CHN2: variants seen among roughly 807,000 people sequenced by gnomAD.
CHN2 encodes the protein beta-chimaerin.
Under a neutral mutation model 56.3 loss-of-function variants are expected in CHN2, and 35 were observed. The observed-to-expected ratio is 0.62, with a 90% CI of 0.47 to 0.82. CHN2 has a LOEUF of 0.82. CHN2 is among the 40% of genes least tolerant of loss of function. CHN2 has a pLI of 0.00. For missense variants in CHN2, 491 were observed against 580.5 expected, an observed-to-expected ratio of 0.85 and a Z score of 1.58; for synonymous variants, 210 against 212.8, an observed-to-expected ratio of 0.99 and a Z score of 0.12.
intron 6 of CHN2, among the ~76,000 whole-genome samples, chr7:29,441,924 T>C (rs895523828): frequency 1.3e-5 from 2 of 152,128 alleles, no homozygotes; most frequent in African/African-American, 4.8e-5. Context: ...AAATTCCATA[T>C]CTAGGTGTAT....
At chr7:29,419,547 CTT>C in intron 6 of CHN2, among the ~76,000 whole-genome samples, 1 of 152,024 alleles carries the variant, frequency 6.6e-6, no homozygotes, top group Non-Finnish European at 1.5e-5. Flanking sequence ...GAAAAGGCAA[CTT>C]ATGGAATGGG....
At chr7:29,336,300 A>T (rs1796610546) in intron 1 of CHN2, among the ~76,000 whole-genome samples, 1 of 152,114 alleles carries the variant, frequency 6.6e-6, no homozygotes, top group African/African-American at 2.4e-5. Flanking sequence ...AAAATGGTTA[A>T]CTATCCAGTG....
chr7:29,321,387 C>T (rs1795333071), intron 1 of CHN2, among the ~76,000 whole-genome samples: 1 of 152,000 alleles, frequency 6.6e-6, no homozygotes. Flanking sequence ...CACAGCCATC[C>T]TCTGAAGGAG....
In CHN2 at chr7:29,219,957, C is replaced by T. The variant is rs562197699; in HGVS notation, c.49+24967C>T. ...GGGCGTGGTGGCACACGCCTATAGT[C>T]CCAGCTACTCGGGAGGCTGAGGCAG... On this transcript the variant is annotated intron_variant, in intron 1 of 12. Transcript: ENST00000222792. Among the ~76,000 whole-genome samples, 259 of 152,164 alleles carry T rather than the reference C, an allele frequency of 1.7e-3. 1 individual carries two copies. The highest frequency in any genetic ancestry group is 5.8e-3 in the African/African-American group (240 of 41,536).
intron 6 of CHN2, among the ~76,000 whole-genome samples, chr7:29,461,879 A>T (rs924920063): frequency 4.0e-5 from 6 of 150,858 alleles, no homozygotes; most frequent in Non-Finnish European, 5.9e-5. Context: ...TGGAAGGAAG[A>T]GAGAGGATGC....
chr7:29,220,280 A>AGAGAG (rs1554366786), intron 1 of CHN2, among the ~76,000 whole-genome samples: 35 of 138,164 alleles, frequency 2.5e-4, no homozygotes, highest in East Asian at 1.3e-3. Context: ...AAAAAAAAAA[A>AGAGAG]AGAGAGAGAG....
chr7:29,325,480 A>C (rs1795728139), intron 1 of CHN2, among the ~76,000 whole-genome samples: 1 of 152,210 alleles, frequency 6.6e-6, no homozygotes. Context: ...GCACCATACT[A>C]TGAAAGGCAG....
At chr7:29,478,015 C>A (rs1043637446) in intron 6 of CHN2, among the ~76,000 whole-genome samples, 4 of 152,134 alleles carry the variant, frequency 2.6e-5, no homozygotes, top group African/African-American at 9.7e-5. Flanking sequence ...GGGATAAGAG[C>A]TGTTATAGTC....
chr7:29,423,471 TG>T (rs981375814), intron 6 of CHN2, among the ~76,000 whole-genome samples: 1 of 152,212 alleles, frequency 6.6e-6, no homozygotes, highest in African/African-American at 2.4e-5. Flanking sequence ...TGGGGTCAGC[TG>T]GGGTTTTTGT....
chr7:29,433,907 AAAGG>A, intron 6 of CHN2, among the ~76,000 whole-genome samples: 1 of 151,840 alleles, frequency 6.6e-6, no homozygotes, highest in East Asian at 1.9e-4. Flanking sequence ...TGAAGGGAAG[AAAGG>A]AAGGAGGGAG....
At chr7:29,173,329 T>C (rs1274633803) in intron 2 of CHN2, among the ~76,000 whole-genome samples, 6 of 152,096 alleles carry the variant, frequency 3.9e-5, no homozygotes, top group African/African-American at 1.4e-4. Context: ...GGGGCCTAAC[T>C]TTCTGCAGCC....
At chr7:29,478,158 T>C (rs1331011865) in intron 6 of CHN2, among the ~76,000 whole-genome samples, 1 of 152,118 alleles carries the variant, frequency 6.6e-6, no homozygotes, top group East Asian at 1.9e-4. Context: ...AGCATTAGAA[T>C]CAGAATGTAA....
At position 29,194,969 on chromosome 7, in the gene CHN2, T is replaced by C. The variant is rs906174830; in HGVS notation, c.28T>C (p.Ser10Pro). ...GGCAGCGTCCAGCAACTCCAGCCTGTCCGGCTCGTCGGTGTCCTCCGGTGA... is the reference window on the plus strand; with the variant it reads ...GGCAGCGTCCAGCAACTCCAGCCTGCCCGGCTCGTCGGTGTCCTCCGGTGA... MAASSNSSL[S>P]GSSVSSDAEE... is the part of the protein sequence containing the mutation. Residue 10 changes from serine (S) to proline (P), a missense_variant, in exon 1 of 13, where the codon TCC (serine) becomes CCC (proline). By Grantham distance (74) the Ser-to-Pro change is moderately conservative (BLOSUM62 -1). Coordinates refer to ENST00000222792, the MANE Select transcript of CHN2 (RefSeq NM_004067.4). The C allele has an allele frequency of 6.3e-7, 1 of 1,586,118 alleles. No homozygotes were observed. The highest frequency in any genetic ancestry group is 8.6e-7 in the Non-Finnish European group (1 of 1,168,892).
intron 2 of CHN2, among the ~76,000 whole-genome samples, chr7:29,359,028 G>T (rs143104472): frequency 6.6e-6 from 1 of 152,184 alleles, no homozygotes; most frequent in Non-Finnish European, 1.5e-5. Flanking sequence ...TCAGGGCTGT[G>T]CTTCCTTATC....
intron 1 of CHN2, among the ~76,000 whole-genome samples, chr7:29,306,153 GTGATTATTCAT>G (rs1353416118): frequency 6.6e-6 from 1 of 152,146 alleles, no homozygotes. Context: ...AAGCTGGTAT[GTGATTATTCAT>G]TGATTTACTC....
intron 6 of CHN2, among the ~76,000 whole-genome samples, chr7:29,420,176 T>C (rs903582799): frequency 1.3e-5 from 2 of 151,400 alleles, no homozygotes; most frequent in African/African-American, 4.9e-5. Flanking sequence ...CTGCTGAGAA[T>C]GTAGAATGGT....
chr7:29,414,773 A>G (rs1299910018), intron 6 of CHN2, among the ~76,000 whole-genome samples: 1 of 152,186 alleles, frequency 6.6e-6, no homozygotes, highest in Admixed American at 6.5e-5. Context: ...TGAGCCCAAC[A>G]GCCAGTGTAA....
intron 3 of CHN2, among the ~76,000 whole-genome samples, chr7:29,379,376 A>T (rs905049218): frequency 6.6e-6 from 1 of 152,210 alleles, no homozygotes; most frequent in Non-Finnish European, 1.5e-5. Context: ...AGCTAAACTG[A>T]CTTAAATTTC....
chr7:29,277,735 C>T (rs1264219261), intron 1 of CHN2, among the ~76,000 whole-genome samples: 1 of 152,218 alleles, frequency 6.6e-6, no homozygotes, highest in Non-Finnish European at 1.5e-5. Context: ...CAGTTTCTTA[C>T]ACCACATGTG....
Sources: gnomAD v4.1 joint callset for allele counts (sites outside exome capture counted in the v4.1 genomes callset) on GRCh38, gnomAD v4.1.1 for gene constraint, MANE v1.5 for transcripts, NCBI Gene and HGNC (gene_info 2026-07-23, HGNC 2026-07-21) for gene names.